Variants in AGBL1 observed in about 807,000 individuals in gnomAD.
AGBL1 encodes the protein cytosolic carboxypeptidase 4.
AGBL1 carries 130 observed loss-of-function variants against 118.9 expected under a neutral mutation model. The observed-to-expected ratio is 1.09, with a 90% CI of 0.95 to 1.26. The LOEUF is 1.26. Ranked by LOEUF, AGBL1 falls within the 50% of genes most tolerant of loss-of-function variation. The pLI is 0.00. For synonymous variants in AGBL1, 555 were observed against 478.9 expected, an observed-to-expected ratio of 1.16 and a Z score of -2.08; for missense variants, 1,584 against 1,298.1, an observed-to-expected ratio of 1.22 and a Z score of -3.38.
intron 21 of AGBL1, among the ~76,000 whole-genome samples, chr15:86,625,068 C>T (rs1335339578): frequency 6.6e-6 from 1 of 152,146 alleles, no homozygotes; most frequent in African/African-American, 2.4e-5. Flanking sequence ...CCCTCATAGA[C>T]CTCCAGTCAT....
intron 18 of AGBL1, among the ~76,000 whole-genome samples, chr15:86,464,874 T>C (rs1234387652): frequency 6.6e-6 from 1 of 152,182 alleles, no homozygotes; most frequent in Non-Finnish European, 1.5e-5. Context: ...GCATCAATGT[T>C]CATTAGGGAT....
chr15:86,483,118 T>C (rs1448819929), intron 18 of AGBL1, among the ~76,000 whole-genome samples: 2 of 152,066 alleles, frequency 1.3e-5, no homozygotes, highest in Admixed American at 1.3e-4. Flanking sequence ...TATGCTCAAC[T>C]GAGCTGCATG....
intron 22 of AGBL1, among the ~76,000 whole-genome samples, chr15:86,791,372 A>G (rs1232566459): frequency 6.6e-6 from 1 of 152,172 alleles, no homozygotes; most frequent in Non-Finnish European, 1.5e-5. Flanking sequence ...TTTGCCTGTT[A>G]CGGATGCACT....
At chr15:86,283,620 T>A (rs1194924652) in intron 16 of AGBL1, among the ~76,000 whole-genome samples, 1 of 152,018 alleles carries the variant, frequency 6.6e-6, no homozygotes, top group East Asian at 1.9e-4. Flanking sequence ...AAGTGTCCAG[T>A]GGGAAATGTT....
intron 18 of AGBL1, among the ~76,000 whole-genome samples, chr15:86,466,404 C>T (rs937495608): frequency 6.6e-6 from 1 of 152,200 alleles, no homozygotes; most frequent in Non-Finnish European, 1.5e-5. Flanking sequence ...AACCTTTTAT[C>T]AAGGTTCTTA....
intron 1 of AGBL1, among the ~76,000 whole-genome samples, chr15:86,124,338 A>C (rs1898279061): frequency 6.6e-6 from 1 of 151,550 alleles, no homozygotes; most frequent in East Asian, 1.9e-4. Flanking sequence ...TCAAAAAAAA[A>C]AAAAAAAAAC....
At chr15:86,847,254 C>G (rs1343907457) in intron 22 of AGBL1, among the ~76,000 whole-genome samples, 3 of 152,170 alleles carry the variant, frequency 2.0e-5, no homozygotes, top group Non-Finnish European at 4.4e-5. Context: ...TATAGGCCCA[C>G]TCAAAGACAG....
rs748518503 is a variant in AGBL1, at chr15:86,546,027, C to T, written c.2711C>T (p.Ser904Phe). 7 of 1,613,194 alleles carry T rather than the reference C, an allele frequency of 4.3e-6. No individual in the cohort carries two copies. The East Asian group carries it at 1.3e-4, about 31-fold the overall frequency. ...PVVFCDFHGH[S>F]QKKNVFLYGC... ...GTTTTCTGTGACTTCCATGGCCACTCCCAAAAGAAGAATGTGTTCCTTTAT... is the reference window on the plus strand; with the variant it reads ...GTTTTCTGTGACTTCCATGGCCACTTCCAAAAGAAGAATGTGTTCCTTTAT... Residue 904 changes from serine (S) to phenylalanine (F), a missense_variant, in exon 20 of 23, where the codon TCC becomes TTC. Physicochemically the swap from Ser to Phe is radical, Grantham distance 155. Coordinates refer to ENST00000614907, the MANE Select transcript of AGBL1 (RefSeq NM_001386094.1).
intron 17 of AGBL1, among the ~76,000 whole-genome samples, chr15:86,297,269 C>G (rs771570552): frequency 5.3e-5 from 8 of 152,050 alleles, no homozygotes; most frequent in Non-Finnish European, 7.4e-5. Context: ...CAGATAAATG[C>G]TATGCATTTT....
At chr15:86,604,084 C>T (rs374446435) in intron 21 of AGBL1, among the ~76,000 whole-genome samples, 10 of 152,248 alleles carry the variant, frequency 6.6e-5, no homozygotes, top group African/African-American at 2.4e-4. Flanking sequence ...TCCACCTATA[C>T]AAATTGTGTT....
In AGBL1 at chr15:86,123,953, A is replaced by T. The variant is rs535903764; in HGVS notation, c.52-18051A>T. Among the ~76,000 whole-genome samples the T allele has an allele frequency of 1.7e-4, 26 of 152,314 alleles. No individual in the cohort carries two copies. In the East Asian group the frequency reaches 4.8e-3, roughly 28 times the overall value. On this transcript the variant is annotated intron_variant, in intron 1 of 22. Transcript: ENST00000614907. The stretch of plus-strand genomic sequence containing the variant: ...GGGAGAGATGACAACCATATGCAAC[A>T]TGGTAACTGGGTGGGATATTGGAAT...
At chr15:86,438,009 G>C (rs1189843520) in intron 18 of AGBL1, among the ~76,000 whole-genome samples, 4 of 151,968 alleles carry the variant, frequency 2.6e-5, no homozygotes, top group Non-Finnish European at 4.4e-5. Flanking sequence ...AGGTTCAAGC[G>C]ATTCTCCTGC....
At chr15:86,183,296 A>G (rs573297119) in intron 5 of AGBL1, among the ~76,000 whole-genome samples, 2 of 152,332 alleles carry the variant, frequency 1.3e-5, no homozygotes, top group East Asian at 1.9e-4. Flanking sequence ...ACTCTATGAC[A>G]TATCAGTAAG....
At chr15:86,802,316 T>G (rs779828160) in intron 22 of AGBL1, among the ~76,000 whole-genome samples, 1 of 152,084 alleles carries the variant, frequency 6.6e-6, no homozygotes, top group Non-Finnish European at 1.5e-5. Context: ...CATTGTAGTA[T>G]TCTTGATGGC....
chr15:86,162,105 A>G (rs2077274765), intron 5 of AGBL1, among the ~76,000 whole-genome samples: 1 of 152,128 alleles, frequency 6.6e-6, no homozygotes, highest in Non-Finnish European at 1.5e-5. Flanking sequence ...CACAAACTCC[A>G]TCCTGAGAAT....
At chr15:86,931,566 TTGCTGCTGCTGCTGC>T (rs59067780) in intron 23 of AGBL1, among the ~76,000 whole-genome samples, 2,002 of 150,472 alleles carry the variant, frequency 0.013, 37 homozygotes, top group African/African-American at 0.041. Flanking sequence ...AGTGGTGCTT[TTGCTGCTGCTGCTGC>T]TGCTGCTGCT....
At chr15:86,794,687 A>G (rs998150951) in intron 22 of AGBL1, among the ~76,000 whole-genome samples, 6 of 152,140 alleles carry the variant, frequency 3.9e-5, no homozygotes, top group African/African-American at 1.4e-4. Context: ...ATATCAGTGT[A>G]CTTTTCCCCA....
intron 22 of AGBL1, among the ~76,000 whole-genome samples, chr15:86,871,116 A>G (rs576995483): frequency 2.0e-5 from 3 of 152,346 alleles, no homozygotes; most frequent in South Asian, 4.1e-4. Flanking sequence ...CCAGGAAGCC[A>G]GCTTAAGAAA....
At chr15:86,187,187 A>T (rs1359299449) in intron 5 of AGBL1, among the ~76,000 whole-genome samples, 1 of 152,220 alleles carries the variant, frequency 6.6e-6, no homozygotes, top group Admixed American at 6.5e-5. Flanking sequence ...ATCAGCAATT[A>T]AAAAAGGATA....
Sources: allele counts gnomAD v4.1 joint callset (sites outside exome capture counted in the v4.1 genomes callset), GRCh38; gene constraint gnomAD v4.1.1; transcripts MANE v1.5; gene names NCBI Gene and HGNC (gene_info 2026-07-23, HGNC 2026-07-21).